Variants in ILF2 observed in about 807,000 individuals in gnomAD.
The protein encoded by ILF2 is interleukin enhancer binding factor 2, also known as interleukin enhancer-binding factor 2.
A neutral mutation model predicts 55.3 loss-of-function variants in ILF2; 9 were observed. The ratio of observed to expected loss-of-function variants is 0.16; its 90% CI spans 0.10 to 0.28. ILF2 has a LOEUF of 0.28. Among genes scored for constraint, ILF2 ranks in the 10% least tolerant of loss-of-function variants. The pLI is 1.00. For synonymous variants in ILF2, 151 were observed against 161.8 expected (o/e 0.93, Z 0.50); for missense variants, 266 against 474.9 (o/e 0.56, Z 4.09).
intron 6 of ILF2, 135 bp from the exon 7 acceptor site, chr1:153,665,863 T>C (rs1669293216): frequency 1.5e-6 from 1 of 670,186 alleles, no homozygotes; most frequent in Non-Finnish European, 2.5e-6. Context: ...GAATATATAC[T>C]TTTATAAGAG....
Position 153,662,521 on chromosome 1 carries a change from T to C in ILF2, c.1048A>G (p.Ile350Val). 6.2e-7 allele frequency: 1 copy of C among 1,614,140 alleles called. No individual in the cohort carries two copies. The highest frequency in any genetic ancestry group is 2.2e-5 in the East Asian group (1 of 44,890). The change falls in exon 14 of 14, where the codon ATA (isoleucine) becomes GTA (valine). Residue 350 changes from isoleucine to valine, a missense_variant. Transcript: ENST00000361891. ...TAAGCCTTTTCTGAAGGTGTTACTA[T>C]CACTCCATCCCAGGTAGATATTTCA... ...ASEISTWDGV[I>V]VTPSEKAYEK...
Position 153,666,249 on chromosome 1 carries a change from T to A in ILF2, c.395-521A>T, listed in dbSNP as rs565495043. Among the ~76,000 whole-genome samples the A allele has an allele frequency of 5.9e-5, 9 of 152,198 alleles. No homozygotes were observed. The East Asian group carries it at 1.7e-3, about 29-fold the overall frequency. ...CCCAAGCTGAAGTGCACTGGCACGATCTCTGCTAACTCCAACCTCTGCCTC... is the reference window on the plus strand; with the variant it reads ...CCCAAGCTGAAGTGCACTGGCACGAACTCTGCTAACTCCAACCTCTGCCTC... On this transcript the variant is annotated intron_variant, in intron 6 of 13. Coordinates refer to ENST00000361891, the MANE Select transcript of ILF2 (RefSeq NM_004515.4).
intron 1 of ILF2, 135 bp from the exon 2 acceptor site, chr1:153,670,365 A>G: frequency 1.3e-6 from 1 of 752,228 alleles, no homozygotes; most frequent in East Asian, 2.7e-5. Flanking sequence ...ACTTGTCCCC[A>G]TTCCAAATGG....
chr1:153,663,381 T>C (rs1669223951), intron 10 of ILF2, 105 bp from the exon 11 acceptor site: 2 of 1,046,576 alleles, frequency 1.9e-6, no homozygotes, highest in Admixed American at 1.8e-5. Flanking sequence ...CAGGCTGGAG[T>C]GCAGTGGCGC....
Position 153,662,252 on chromosome 1 carries a change from G to GT in ILF2, c.*143dup. 1.9e-6 allele frequency: 2 copies of GT among 1,026,688 alleles called. No homozygotes were observed. The highest frequency in any genetic ancestry group is 2.8e-6 in the Non-Finnish European group (2 of 702,746). 63.6% of individuals were successfully genotyped at this position (1,026,688 alleles called of 1,614,324 possible). ...GCAGCTAAGCCAATATCAAAACCCA[G>GT]TGGAATGACACTTCTATGGAGTTTA... On this transcript the variant is annotated 3_prime_UTR_variant, in exon 14 of 14. Coordinates refer to ENST00000361891, the MANE Select transcript of ILF2 (RefSeq NM_004515.4).
chr1:153,665,865 T>C, intron 6 of ILF2, 137 bp from the exon 7 acceptor site: 1 of 664,676 alleles, frequency 1.5e-6, no homozygotes, highest in South Asian at 2.2e-5. Flanking sequence ...ATATATACTT[T>C]TATAAGAGAA....
chr1:153,667,295 C>G (rs140710051), intron 6 of ILF2: 1 of 526,170 alleles, frequency 1.9e-6, no homozygotes, highest in Non-Finnish European at 3.4e-6. Context: ...CCGAGCAACA[C>G]GGTGAAACCC....
chr1:153,665,593 A>G, intron 7 of ILF2, 70 bp downstream of exon 7: 3 of 1,285,848 alleles, frequency 2.3e-6, no homozygotes, highest in Non-Finnish European at 3.4e-6. Context: ...GATTTTGTTG[A>G]AAGTGTACTT....
intron 10 of ILF2, among the ~76,000 whole-genome samples, chr1:153,663,495 A>AT (rs893664432): frequency 1.3e-3 from 188 of 146,492 alleles, no homozygotes; most frequent in South Asian, 2.2e-3. Flanking sequence ...CAACTGGCTA[A>AT]TTTTTTTTTT....
At chr1:153,669,286 A>G (rs1669387499) in intron 3 of ILF2, among the ~76,000 whole-genome samples, 1 of 152,230 alleles carries the variant, frequency 6.6e-6, no homozygotes, top group Admixed American at 6.5e-5. Context: ...CCATAATTTA[A>G]GCTATCACTA....
At chr1:153,670,136 A>T in intron 2 of ILF2, 35 bp downstream of exon 2, 1 of 1,604,696 alleles carries the variant, frequency 6.2e-7, no homozygotes, top group Non-Finnish European at 8.5e-7. Flanking sequence ...AGAAACTAAC[A>T]ACCAAGTGCA....
At chr1:153,665,405 TG>T (rs1011785814) in intron 7 of ILF2, 69 bp from the exon 8 acceptor site, 11 of 1,055,122 alleles carry the variant, frequency 1.0e-5, no homozygotes, top group South Asian at 7.7e-5. Context: ...AAATCCAGGG[TG>T]GGGGGGAACA....
chr1:153,665,506 C>T lies in ILF2; in HGVS notation c.460+157G>A, dbSNP rs1365337314. ...AGATCAAACAGATCTCCCTTGAACA[C>T]CTTGAACACCTGAAGCCCCTGCCAA... On this transcript the variant is annotated intron_variant, in intron 7 of 13. Transcript: ENST00000361891. 6.5e-6 allele frequency: 5 copies of T among 772,094 alleles called. No homozygotes were observed. The East Asian group carries it at 1.3e-4, about 20-fold the overall frequency. 47.8% of individuals were successfully genotyped at this position (772,094 alleles called of 1,614,324 possible).
In ILF2 at chr1:153,669,894, C is replaced by T. The variant is rs1481235983; in HGVS notation, c.66-16G>A. ...GGGCCTGAACCTAAAACATGAAAAACAGCCAAATTATTCCCTAGGTAGGAA... is the reference window on the plus strand; with the variant it reads ...GGGCCTGAACCTAAAACATGAAAAATAGCCAAATTATTCCCTAGGTAGGAA... On this transcript the variant is annotated splice_polypyrimidine_tract_variant and intron_variant, in intron 2 of 13. Transcript: ENST00000361891. 3.1e-6 allele frequency: 5 copies of T among 1,608,236 alleles called. No individual in the cohort carries two copies. In the African/African-American group the frequency reaches 4.0e-5, roughly 13 times the overall value.
chr1:153,662,174 A>G lies in ILF2; in HGVS notation c.*222T>C. 1 of 502,378 alleles carries G rather than the reference A, an allele frequency of 2.0e-6. No individual in the cohort carries two copies. Among genetic ancestry groups the G allele is most frequent in the Non-Finnish European group, 3.5e-6 (1 of 283,076 alleles). 31.1% of individuals were successfully genotyped at this position (502,378 alleles called of 1,614,324 possible). On this transcript the variant is annotated 3_prime_UTR_variant, in exon 14 of 14. Transcript: ENST00000361891. ...GGAGATTATAGAATATTAGGAAGAA[A>G]TGTTGGTATCCTCCATTATAGATGG...
intron 6 of ILF2, among the ~76,000 whole-genome samples, 192 bp from the exon 7 acceptor site, chr1:153,665,920 C>T (rs533364443): frequency 2.0e-5 from 3 of 152,294 alleles, no homozygotes; most frequent in South Asian, 2.1e-4. Flanking sequence ...GGGAACAGGA[C>T]CCCTCCTGTA....
rs553264127 is a variant in ILF2 at position 153,666,247 on chromosome 1, G to A, written c.395-519C>T. ...CACCCAAGCTGAAGTGCACTGGCAC[G>A]ATCTCTGCTAACTCCAACCTCTGCC... On this transcript the variant is annotated intron_variant, in intron 6 of 13. Coordinates refer to ENST00000361891, the MANE Select transcript of ILF2 (RefSeq NM_004515.4). Among the ~76,000 whole-genome samples, 149 of 151,950 alleles carry A rather than the reference G, an allele frequency of 9.8e-4. 2 individuals carry two copies. The highest frequency in any genetic ancestry group is 1.1e-3 in the Non-Finnish European group (75 of 67,986).
intron 6 of ILF2, among the ~76,000 whole-genome samples, chr1:153,667,078 C>T (rs146855898): frequency 0.019 from 2,857 of 152,278 alleles, 91 homozygotes; most frequent in African/African-American, 0.066. Flanking sequence ...ACCGAGATCA[C>T]GCCATTACAC....
In ILF2 at chr1:153,662,766, G is replaced by T. The variant is rs777388890; in HGVS notation, c.951C>A (p.Leu317=). The T allele has an allele frequency of 1.2e-6, 2 of 1,614,184 alleles. No homozygotes were observed. Among genetic ancestry groups the T allele is most frequent in the South Asian group, 2.2e-5 (2 of 91,074 alleles). ...AGCCACCATGTGAGAGGATTCGGAC[G>T]AGAGTCTGAGCTGTATAGCAGACCA... The part of the protein sequence containing the change: ...QDMVCYTAQT[L]VRILSHGGFR... The change falls in exon 13 of 14, where the codon CTC becomes CTA. Residue 317 remains leucine (L), a synonymous_variant. Transcript: ENST00000361891.
Sources: allele counts gnomAD v4.1 joint callset (sites outside exome capture counted in the v4.1 genomes callset), GRCh38; gene constraint gnomAD v4.1.1; transcripts MANE v1.5; gene names NCBI Gene and HGNC (gene_info 2026-07-23, HGNC 2026-07-21).